The following SPAG17 variants were observed in gnomAD, a reference collection of about 807,000 sequenced individuals.
SPAG17 encodes sperm associated antigen 17.
In SPAG17, 169 loss-of-function variants were observed where a neutral mutation model predicts 273.6. That is an observed-to-expected ratio of 0.62 (90% CI 0.55 to 0.70). The LOEUF is 0.70. Ranked by LOEUF, SPAG17 falls within the 30% of genes least tolerant of loss-of-function variation. The pLI is 0.00. For missense variants in SPAG17, 2,557 were observed against 2,627.8 expected, an observed-to-expected ratio of 0.97 and a Z score of 0.59; for synonymous variants, 825 against 873.2, an observed-to-expected ratio of 0.94 and a Z score of 0.97.
rs1657687513 is a variant in SPAG17 at position 117,996,582 on chromosome 1, A to G, written c.4922+16T>C. 1.0e-5 allele frequency: 16 copies of G among 1,603,930 alleles called. No homozygotes were observed. The highest frequency in any genetic ancestry group is 1.4e-5 in the Non-Finnish European group (16 of 1,176,576). ...AACTCAGAATTAAAAGTAAAATTATAGTATTATTCTTTTACCTGGGGACAT... is the reference window on the plus strand; with the variant it reads ...AACTCAGAATTAAAAGTAAAATTATGGTATTATTCTTTTACCTGGGGACAT... On this transcript the variant is annotated intron_variant, in intron 33 of 48. Coordinates refer to ENST00000336338, the MANE Select transcript of SPAG17 (RefSeq NM_206996.4).
intron 1 of SPAG17, among the ~76,000 whole-genome samples, chr1:118,164,161 C>T (rs1660056592): frequency 6.6e-6 from 1 of 152,168 alleles, no homozygotes. Context: ...ATAACTACTC[C>T]CATGCTATTG....
chr1:118,054,498 C>T (rs566227248), intron 19 of SPAG17, among the ~76,000 whole-genome samples: 2 of 152,156 alleles, frequency 1.3e-5, no homozygotes, highest in East Asian at 3.9e-4. Flanking sequence ...TATACTTTTC[C>T]GTACTTGAGA....
At position 118,036,792 on chromosome 1, in the gene SPAG17, A is replaced by G. The variant is rs1208147423; in HGVS notation, c.3411T>C (p.Tyr1137=). Residue 1137 remains tyrosine (Y), a synonymous_variant, in exon 24 of 49, where the codon TAT becomes TAC. Coordinates refer to ENST00000336338, the MANE Select transcript of SPAG17 (RefSeq NM_206996.4). ...ENGICLSISY[Y]GSNGMAPEDK... ...CACCTGGTGCCATTCCATTTGATCC[A>G]TAGTAACTTATCGAGAGGCAGATTC... The G allele has an allele frequency of 4.5e-6, 7 of 1,555,634 alleles. No individual in the cohort carries two copies. The highest frequency in any genetic ancestry group is 2.7e-5 in the African/African-American group (2 of 73,466).
At position 118,055,835 on chromosome 1, in the gene SPAG17, T is replaced by C. The variant is rs775808888; in HGVS notation, c.2620A>G (p.Asn874Asp). 6.2e-7 allele frequency: 1 copy of C among 1,613,128 alleles called. No individual in the cohort carries two copies. Among genetic ancestry groups the C allele is most frequent in the East Asian group, 2.2e-5 (1 of 44,774 alleles). Residue 874 changes from asparagine (N) to aspartate (D), a missense_variant, in exon 19 of 49, where the codon AAT (asparagine) becomes GAT (aspartate). Coordinates refer to ENST00000336338, the MANE Select transcript of SPAG17 (RefSeq NM_206996.4). ...GCTCTGGTCCTGATGATTTTCTCAT[T>C]CATTTTAGATTCCTGATATATAGCT... ...EEAIYQESKM[N>D]EKIIRTRAEL...
At chr1:118,162,007 C>CT (rs2102373891) in intron 1 of SPAG17, among the ~76,000 whole-genome samples, 1 of 152,274 alleles carries the variant, frequency 6.6e-6, no homozygotes, top group Non-Finnish European at 1.5e-5. Context: ...CACTCATTCC[C>CT]TCACTTGTGT....
intron 4 of SPAG17, among the ~76,000 whole-genome samples, chr1:118,105,550 T>C (rs1328921988): frequency 6.6e-6 from 1 of 152,158 alleles, no homozygotes; most frequent in African/African-American, 2.4e-5. Context: ...GATTGGATCA[T>C]GGAACCTAAG....
chr1:118,055,538 A>G (rs1441843047), intron 19 of SPAG17, among the ~76,000 whole-genome samples, 195 bp downstream of exon 19: 1 of 152,010 alleles, frequency 6.6e-6, no homozygotes, highest in Non-Finnish European at 1.5e-5. Flanking sequence ...TATAAAAAAT[A>G]CTCTATTATT....
chr1:118,020,390 C>T (rs1308165738), intron 28 of SPAG17, among the ~76,000 whole-genome samples: 4 of 150,844 alleles, frequency 2.7e-5, no homozygotes, highest in Non-Finnish European at 5.9e-5. Context: ...GCTGAGATCA[C>T]GCCATTGGCA....
chr1:118,017,321 C>T (rs1021152553), intron 28 of SPAG17, among the ~76,000 whole-genome samples: 1 of 151,726 alleles, frequency 6.6e-6, no homozygotes, highest in African/African-American at 2.4e-5. Flanking sequence ...TTTTTCTAAT[C>T]AAAAAAGGTG....
intron 18 of SPAG17, among the ~76,000 whole-genome samples, chr1:118,057,622 G>A (rs1036221400): frequency 6.6e-6 from 1 of 151,880 alleles, no homozygotes; most frequent in African/African-American, 2.4e-5. Flanking sequence ...ACTCACAAAT[G>A]TATTCCAGTT....
intron 25 of SPAG17, among the ~76,000 whole-genome samples, chr1:118,030,255 AG>A (rs1298377201): frequency 6.6e-6 from 1 of 152,152 alleles, no homozygotes; most frequent in East Asian, 1.9e-4. Flanking sequence ...AACTTTTACA[AG>A]GCCAGAGTCT....
At chr1:118,109,976 A>C (rs1046828443) in intron 4 of SPAG17, among the ~76,000 whole-genome samples, 4 of 152,154 alleles carry the variant, frequency 2.6e-5, no homozygotes, top group Non-Finnish European at 5.9e-5. Flanking sequence ...TGCTCATTTG[A>C]CCAGGAGCCA....
chr1:117,965,529 T>G (rs1429800280), intron 47 of SPAG17: 1 of 152,304 alleles, frequency 6.6e-6, no homozygotes, highest in Non-Finnish European at 1.5e-5. Context: ...CATCAATGGC[T>G]TCTACCTCAG....
At chr1:118,037,398 A>G (rs1200161511) in intron 23 of SPAG17, among the ~76,000 whole-genome samples, 1 of 152,040 alleles carries the variant, frequency 6.6e-6, no homozygotes, top group East Asian at 1.9e-4. Flanking sequence ...GGTTTGTTAC[A>G]TGGGTAAATT....
At chr1:118,056,224 T>C (rs1357920450) in intron 18 of SPAG17, among the ~76,000 whole-genome samples, 1 of 152,160 alleles carries the variant, frequency 6.6e-6, no homozygotes, top group African/African-American at 2.4e-5. Flanking sequence ...ATAAGTTTAA[T>C]AATACCAAGA....
chr1:118,128,133 A>G (rs1570742878), intron 3 of SPAG17, among the ~76,000 whole-genome samples: 1 of 152,292 alleles, frequency 6.6e-6, no homozygotes, highest in Non-Finnish European at 1.5e-5. Flanking sequence ...AAAGAAAAAA[A>G]AAAAAAGATT....
intron 8 of SPAG17, 38 bp from the exon 9 acceptor site, chr1:118,092,040 C>A (rs773815931): frequency 1.9e-6 from 3 of 1,567,612 alleles, no homozygotes; most frequent in African/African-American, 2.7e-5. Flanking sequence ...AACTGAGATA[C>A]CCAGCTGAGA....
At chr1:117,999,908 T>C (rs928891365) in intron 32 of SPAG17, among the ~76,000 whole-genome samples, 1 of 152,210 alleles carries the variant, frequency 6.6e-6, no homozygotes, top group African/African-American at 2.4e-5. Context: ...CATGCCTATG[T>C]CCTGAATGGT....
chr1:118,013,258 G>A (rs183046154), intron 29 of SPAG17, among the ~76,000 whole-genome samples: 3 of 152,312 alleles, frequency 2.0e-5, no homozygotes, highest in African/African-American at 4.8e-5. Context: ...CTGGATGGAC[G>A]TGAGAGTGAG....
Sources: allele counts gnomAD v4.1 joint callset (sites outside exome capture counted in the v4.1 genomes callset), GRCh38; gene constraint gnomAD v4.1.1; transcripts MANE v1.5; gene names NCBI Gene and HGNC (gene_info 2026-07-23, HGNC 2026-07-21).